LRMDA: variants seen among roughly 807,000 people sequenced by gnomAD.
LRMDA encodes leucine rich melanocyte differentiation associated, also known as leucine-rich melanocyte differentiation-associated protein.
A neutral mutation model predicts 29.8 loss-of-function variants in LRMDA; 18 were observed. That is an observed-to-expected ratio of 0.60 (90% CI 0.42 to 0.90). The LOEUF (loss-of-function observed/expected upper bound fraction) is 0.90. Among genes scored for constraint, LRMDA ranks in the 40% least tolerant of loss-of-function variants. LRMDA has a pLI of 0.00. For missense variants in LRMDA, 273 were observed against 273.9 expected, an observed-to-expected ratio of 1.00 and a Z score of 0.02; for synonymous variants, 125 against 109.4, an observed-to-expected ratio of 1.14 and a Z score of -0.89.
At chr10:76,076,900 C>A (rs2132075148) in intron 5 of LRMDA, among the ~76,000 whole-genome samples, 1 of 152,290 alleles carries the variant, frequency 6.6e-6, no homozygotes, top group African/African-American at 2.4e-5. Context: ...GTTCCTGAAT[C>A]CATCTGATGA....
chr10:75,557,750 C>G (rs1320426298), intron 2 of LRMDA, among the ~76,000 whole-genome samples: 2 of 152,162 alleles, frequency 1.3e-5, no homozygotes, highest in Non-Finnish European at 2.9e-5. Context: ...ATTTGTCCAC[C>G]CTTTAAGCAA....
chr10:75,471,217 G>A (rs1291572847), intron 2 of LRMDA, among the ~76,000 whole-genome samples: 1 of 152,050 alleles, frequency 6.6e-6, no homozygotes, highest in Admixed American at 6.5e-5. Context: ...TTCTGGCGGG[G>A]GGGTGGGGTG....
In LRMDA at chr10:76,028,007, T is replaced by C. The variant is rs539804750; in HGVS notation, c.132-8001T>C. 7.2e-5 allele frequency among the ~76,000 whole-genome samples: 11 copies of C among 152,322 alleles called. No individual in the cohort carries two copies. The South Asian group carries it at 2.1e-3, about 29-fold the overall frequency. On this transcript the variant is annotated intron_variant, in intron 2 of 6. Transcript: ENST00000611255. ...GTGAACATACTTGTACATAAACTTA[T>C]ACACATCTTTGATATTTACTGAATA... is the stretch of plus-strand genomic sequence containing the variant.
chr10:75,504,736 G>T (rs1845152431), intron 2 of LRMDA, among the ~76,000 whole-genome samples: 1 of 152,156 alleles, frequency 6.6e-6, no homozygotes, highest in Non-Finnish European at 1.5e-5. Flanking sequence ...CTAGTAGAAG[G>T]TTGGTATGGA....
intron 6 of LRMDA, among the ~76,000 whole-genome samples, chr10:76,472,251 AATT>A (rs1472677026): frequency 1.3e-5 from 2 of 151,822 alleles, no homozygotes; most frequent in Non-Finnish European, 3.0e-5. Context: ...TGAAAATAAA[AATT>A]AATAAATTTG....
intron 2 of LRMDA, among the ~76,000 whole-genome samples, chr10:76,000,592 C>T (rs987453742): frequency 6.6e-6 from 1 of 152,164 alleles, no homozygotes; most frequent in Non-Finnish European, 1.5e-5. Context: ...GAATGTGAAT[C>T]GAGTGGTGAA....
chr10:75,979,765 A>G (rs1847133460), intron 2 of LRMDA, among the ~76,000 whole-genome samples: 1 of 151,888 alleles, frequency 6.6e-6, no homozygotes, highest in African/African-American at 2.4e-5. Flanking sequence ...GCTAGTCCAT[A>G]TGTGCCAGCT....
chr10:76,381,668 C>T (rs1841594446), intron 6 of LRMDA, among the ~76,000 whole-genome samples: 1 of 152,168 alleles, frequency 6.6e-6, no homozygotes, highest in Admixed American at 6.5e-5. Context: ...TCTTTGGCTC[C>T]TTTCTTATTC....
intron 5 of LRMDA, among the ~76,000 whole-genome samples, chr10:76,202,306 G>C (rs1282569649): frequency 6.6e-6 from 1 of 152,148 alleles, no homozygotes; most frequent in East Asian, 1.9e-4. Context: ...AACTTTTTGA[G>C]TGAAGTTCTA....
At chr10:76,217,758 T>C (rs986001355) in intron 5 of LRMDA, among the ~76,000 whole-genome samples, 3 of 152,228 alleles carry the variant, frequency 2.0e-5, no homozygotes, top group African/African-American at 7.2e-5. Context: ...GTGAGATTCA[T>C]ATCCTCAATA....
At chr10:76,284,870 G>GT (rs762982306) in intron 5 of LRMDA, among the ~76,000 whole-genome samples, 3 of 152,170 alleles carry the variant, frequency 2.0e-5, no homozygotes, top group Non-Finnish European at 4.4e-5. Flanking sequence ...CTGCCACCAT[G>GT]TAAGACATGC....
intron 2 of LRMDA, among the ~76,000 whole-genome samples, chr10:75,658,467 A>C (rs1401643798): frequency 6.6e-6 from 1 of 151,780 alleles, no homozygotes; most frequent in Non-Finnish European, 1.5e-5. Flanking sequence ...CTTTTTTTTT[A>C]TGTGAATCTT....
chr10:76,515,490 A>G (rs1355070271), intron 6 of LRMDA, among the ~76,000 whole-genome samples: 1 of 151,982 alleles, frequency 6.6e-6, no homozygotes, highest in Non-Finnish European at 1.5e-5. Flanking sequence ...TAGATTAGAC[A>G]CTCTGAATAC....
intron 2 of LRMDA, among the ~76,000 whole-genome samples, chr10:75,574,782 T>C (rs1840482370): frequency 6.6e-6 from 1 of 152,198 alleles, no homozygotes; most frequent in Admixed American, 6.5e-5. Flanking sequence ...CAGACTCAGG[T>C]GTTTAACTGT....
intron 6 of LRMDA, among the ~76,000 whole-genome samples, chr10:76,457,772 G>A: frequency 6.6e-6 from 1 of 151,550 alleles, no homozygotes; most frequent in East Asian, 2.0e-4. Flanking sequence ...CAGAAATGTT[G>A]TGACCAGAGG....
intron 2 of LRMDA, among the ~76,000 whole-genome samples, chr10:75,601,627 G>A (rs1158302006): frequency 6.6e-6 from 1 of 152,088 alleles, no homozygotes; most frequent in East Asian, 1.9e-4. Flanking sequence ...AAACATTAGG[G>A]ACTTGCTTTC....
At position 76,148,100 on chromosome 10, in the gene LRMDA, G is replaced by T. The variant is rs528107299; in HGVS notation, c.516+89317G>T. Among the ~76,000 whole-genome samples the T allele has an allele frequency of 1.2e-4, 18 of 152,308 alleles. No individual in the cohort carries two copies. In the South Asian group the frequency reaches 1.7e-3, roughly 14 times the overall value. The stretch of plus-strand genomic sequence containing the variant: ...TGAGGTGTCAGTCTGCCCCTACTGG[G>T]GGGTGCCTCCCCGTTAGGCTACTCG... On this transcript the variant is annotated intron_variant, in intron 5 of 6. Coordinates refer to ENST00000611255, the MANE Select transcript of LRMDA (RefSeq NM_001305581.2).
chr10:75,766,633 A>T (rs1843172262), intron 2 of LRMDA, among the ~76,000 whole-genome samples: 1 of 151,696 alleles, frequency 6.6e-6, no homozygotes. Context: ...TTTTTTAAAA[A>T]TTTTAAATTT....
chr10:75,692,317 A>T (rs908357713), intron 2 of LRMDA, among the ~76,000 whole-genome samples: 9 of 147,306 alleles, frequency 6.1e-5, no homozygotes, highest in Admixed American at 5.5e-4. Context: ...ACATACATAT[A>T]TACATATGTA....
Sources: gnomAD v4.1 joint callset for allele counts (sites outside exome capture counted in the v4.1 genomes callset) on GRCh38, gnomAD v4.1.1 for gene constraint, MANE v1.5 for transcripts, NCBI Gene and HGNC (gene_info 2026-07-23, HGNC 2026-07-21) for gene names.